CPE: variants seen among roughly 807,000 people sequenced by gnomAD.
The protein encoded by CPE is carboxypeptidase E.
CPE carries 17 observed loss-of-function variants against 53.5 expected under a neutral mutation model. That is an observed-to-expected ratio of 0.32 (90% confidence interval 0.22 to 0.48). The LOEUF is 0.48. Ranked by LOEUF, CPE falls within the 20% of genes least tolerant of loss-of-function variation. The probability of loss-of-function intolerance (pLI) is 0.99; values close to 1 mark genes in which losing one functional copy is unlikely to be tolerated. For missense variants in CPE, 524 were observed against 614.7 expected (o/e 0.85, Z 1.56); for synonymous variants, 226 against 228.8 (o/e 0.99, Z 0.11).
In CPE at chr4:165,467,726, T is replaced by C; in HGVS notation, c.543T>C (p.Asn181=). The C allele has an allele frequency of 4.3e-6, 7 of 1,612,672 alleles. No homozygotes were observed. Among genetic ancestry groups the C allele is most frequent in the Non-Finnish European group, 5.9e-6 (7 of 1,179,380 alleles). The change falls in exon 3 of 9, where the codon AAT becomes AAC. Residue 181 remains asparagine, a synonymous_variant. Transcript: ENST00000402744. Reference sequence around the variant, plus strand: ...AGGACTGGTTTGTGGGTCGAAGCAATGCCCAGGGAATAGATCTGAACCGGA... The same window carrying C: ...AGGACTGGTTTGTGGGTCGAAGCAACGCCCAGGGAATAGATCTGAACCGGA... ...ELKDWFVGRS[N]AQGIDLNRNF... is the part of the protein sequence containing the mutation.
At chr4:165,489,183 G>T (rs1732558503) in intron 6 of CPE, among the ~76,000 whole-genome samples, 1 of 152,208 alleles carries the variant, frequency 6.6e-6, no homozygotes, top group Non-Finnish European at 1.5e-5. Flanking sequence ...TAACTGAAAA[G>T]TATGTTTTTG....
rs183064340 is a variant in CPE, at chr4:165,393,411, A to G, written c.307+13883A>G. ...TTTGATTAGGGTAAATTTATTTTGA[A>G]TTACTCCTGATGTTAAACCCAATCT... On this transcript the variant is annotated intron_variant, in intron 1 of 8. Coordinates refer to ENST00000402744, the MANE Select transcript of CPE (RefSeq NM_001873.4). Among the ~76,000 whole-genome samples, 30 of 152,292 alleles carry G rather than the reference A, an allele frequency of 2.0e-4. 1 individual carries two copies. The highest frequency in any genetic ancestry group is 3.8e-4 in the Non-Finnish European group (26 of 68,018).
chr4:165,479,811 G>GA (rs902656546), intron 3 of CPE, among the ~76,000 whole-genome samples: 12 of 152,136 alleles, frequency 7.9e-5, no homozygotes, highest in African/African-American at 2.9e-4. Flanking sequence ...CTAACACAGT[G>GA]AAAACTCGTC....
chr4:165,389,528 T>G (rs1452869953), intron 1 of CPE, among the ~76,000 whole-genome samples: 1 of 152,226 alleles, frequency 6.6e-6, no homozygotes, highest in Non-Finnish European at 1.5e-5. Flanking sequence ...AACAGAATGT[T>G]AACCGGATAC....
intron 1 of CPE, among the ~76,000 whole-genome samples, chr4:165,426,195 T>C (rs1342005617): frequency 2.0e-5 from 3 of 152,210 alleles, no homozygotes; most frequent in Non-Finnish European, 4.4e-5. Context: ...TACTGTTCCT[T>C]CAAGAAGGAT....
chr4:165,380,591 C>A (rs1730492088), intron 1 of CPE, among the ~76,000 whole-genome samples: 1 of 151,994 alleles, frequency 6.6e-6, no homozygotes, highest in Admixed American at 6.6e-5. Context: ...TGTTTAATGA[C>A]AAAGCAAGCA....
intron 4 of CPE, among the ~76,000 whole-genome samples, chr4:165,483,747 T>C (rs1732458730): frequency 6.6e-6 from 1 of 152,214 alleles, no homozygotes; most frequent in Non-Finnish European, 1.5e-5. Flanking sequence ...CCAATTATTT[T>C]GACTGCTTGT....
chr4:165,400,706 AG>A (rs1015287486), intron 1 of CPE, among the ~76,000 whole-genome samples: 3 of 152,212 alleles, frequency 2.0e-5, no homozygotes, highest in African/African-American at 7.2e-5. Flanking sequence ...TCTTTTTTAA[AG>A]GCTAGTCAAG....
intron 1 of CPE, among the ~76,000 whole-genome samples, chr4:165,397,988 G>A (rs765022508): frequency 2.3e-4 from 34 of 150,188 alleles, no homozygotes; most frequent in Admixed American, 4.0e-4. Context: ...GGAGTTGGAG[G>A]CTGCAGTGGG....
chr4:165,486,957 A>G (rs936551959), intron 5 of CPE, among the ~76,000 whole-genome samples: 27 of 152,314 alleles, frequency 1.8e-4, no homozygotes, highest in African/African-American at 6.0e-4. Flanking sequence ...TTGATTGACA[A>G]TAGTATATTG....
In CPE at chr4:165,455,655, A is replaced by ATT. The variant is rs11357652; in HGVS notation, c.308-8721_308-8720dup. Among the ~76,000 whole-genome samples, 549 of 142,092 alleles carry ATT rather than the reference A, an allele frequency of 3.9e-3. 2 individuals carry two copies. Among genetic ancestry groups the ATT allele is most frequent in the African/African-American group, 0.014 (509 of 37,124 alleles). The allele number at this position is 142,092 out of a possible 152,430, so 93.2% of individuals were successfully genotyped here. On this transcript the variant is annotated intron_variant, in intron 1 of 8. Transcript: ENST00000402744. ...CAATGTTCTTAAACAAGTCAAAGGT[A>ATT]TTTTTTTTTTTTTTTGAGACAGAGT... is the stretch of plus-strand genomic sequence containing the variant.
At chr4:165,385,554 C>T (rs2126652033) in intron 1 of CPE, among the ~76,000 whole-genome samples, 1 of 151,088 alleles carries the variant, frequency 6.6e-6, no homozygotes, top group South Asian at 2.1e-4. Context: ...AGGTGTCTCC[C>T]TCCTCAGCCT....
At chr4:165,405,947 G>T (rs1405661400) in intron 1 of CPE, 1 of 731,168 alleles carries the variant, frequency 1.4e-6, no homozygotes, top group Non-Finnish European at 2.6e-6. Context: ...AGGCTTTATG[G>T]ACTTTTCAAG....
At chr4:165,475,983 G>C (rs1409980057) in intron 3 of CPE, among the ~76,000 whole-genome samples, 2 of 152,148 alleles carry the variant, frequency 1.3e-5, no homozygotes. Context: ...GAGGCATAGA[G>C]GTCCTTTACC....
chr4:165,423,635 T>A (rs1345639171), intron 1 of CPE, among the ~76,000 whole-genome samples: 1 of 151,948 alleles, frequency 6.6e-6, no homozygotes, highest in Non-Finnish European at 1.5e-5. Flanking sequence ...CATTTTATTT[T>A]ATTTTATTTT....
chr4:165,395,638 A>G (rs1473010098), intron 1 of CPE, among the ~76,000 whole-genome samples: 2 of 152,232 alleles, frequency 1.3e-5, no homozygotes, highest in Non-Finnish European at 2.9e-5. Context: ...CAGCTTAGAA[A>G]TTAAATAGCA....
intron 1 of CPE, among the ~76,000 whole-genome samples, chr4:165,422,575 C>T (rs890816747): frequency 3.9e-5 from 6 of 152,216 alleles, no homozygotes; most frequent in African/African-American, 1.4e-4. Flanking sequence ...TAAGGATGTA[C>T]CTGTGACACA....
chr4:165,440,674 C>A (rs1218725834), intron 1 of CPE, among the ~76,000 whole-genome samples: 1 of 152,156 alleles, frequency 6.6e-6, no homozygotes, highest in Admixed American at 6.5e-5. Flanking sequence ...ACATTAGCAT[C>A]ATTGCTGGGA....
intron 1 of CPE, among the ~76,000 whole-genome samples, chr4:165,462,006 T>A (rs777946837): frequency 6.6e-6 from 1 of 152,254 alleles, no homozygotes; most frequent in Non-Finnish European, 1.5e-5. Flanking sequence ...TGTCCTGTCT[T>A]CATGTCAACC....
Sources: allele counts gnomAD v4.1 joint callset (sites outside exome capture counted in the v4.1 genomes callset), GRCh38; gene constraint gnomAD v4.1.1; transcripts MANE v1.5; gene names NCBI Gene and HGNC (gene_info 2026-07-23, HGNC 2026-07-21).